The following STK32B variants were observed in gnomAD, a reference collection of about 807,000 sequenced individuals.
STK32B encodes the protein serine/threonine-protein kinase 32B.
Under a neutral mutation model 52.6 loss-of-function variants are expected in STK32B, and 43 were observed. The observed-to-expected ratio is 0.82, with a 90% CI of 0.64 to 1.05. STK32B has a LOEUF of 1.05. STK32B is among the 50% of genes least tolerant of loss of function. STK32B has a pLI of 0.00. For synonymous variants in STK32B, 238 were observed against 204.3 expected (o/e 1.17, Z -1.41); for missense variants, 621 against 534.6 (o/e 1.16, Z -1.59).
chr4:5,057,166 T>C (rs1189672303), intron 1 of STK32B, among the ~76,000 whole-genome samples: 2 of 152,234 alleles, frequency 1.3e-5, no homozygotes, highest in Non-Finnish European at 2.9e-5. Context: ...GCCAATTTCT[T>C]GCATTCCTTT....
At chr4:5,179,254 C>T (rs1041612142) in intron 3 of STK32B, among the ~76,000 whole-genome samples, 1 of 152,174 alleles carries the variant, frequency 6.6e-6, no homozygotes, top group Non-Finnish European at 1.5e-5. Context: ...CTCACTATCA[C>T]GAGAACAGCA....
intron 3 of STK32B, among the ~76,000 whole-genome samples, chr4:5,299,382 G>A (rs1729410764): frequency 6.6e-6 from 1 of 151,992 alleles, no homozygotes; most frequent in South Asian, 2.1e-4. Flanking sequence ...TGCTGCAGTA[G>A]TGCCCTAGGA....
intron 3 of STK32B, among the ~76,000 whole-genome samples, chr4:5,208,174 A>AC (rs1469282742): frequency 6.6e-6 from 1 of 152,116 alleles, no homozygotes; most frequent in Non-Finnish European, 1.5e-5. Context: ...TTGAGCCCTG[A>AC]CCATGTGAGG....
Position 5,460,129 on chromosome 4 carries a change from C to T in STK32B, c.810C>T (p.Arg270=), listed in dbSNP as rs745429127. The T allele has an allele frequency of 7.4e-6, 12 of 1,614,222 alleles. No individual in the cohort carries two copies. The highest frequency in any genetic ancestry group is 1.7e-5 in the Admixed American group (1 of 60,036). ...RKLLTKDPES[R]VSSLHDIQSV... is the part of the protein sequence containing the mutation. ...TCCTGACCAAGGATCCTGAGAGCCGCGTGTCCAGCCTTCATGACATACAGA... is the reference window on the plus strand; with the variant it reads ...TCCTGACCAAGGATCCTGAGAGCCGTGTGTCCAGCCTTCATGACATACAGA... The change falls in exon 9 of 12, where the codon CGC becomes CGT. Residue 270 remains arginine, a synonymous_variant. Coordinates refer to ENST00000282908, the MANE Select transcript of STK32B (RefSeq NM_018401.3). This position sits in a 1 kb window ranked among gnomAD's most constrained non-coding sequence, Gnocchi z 4.8.
chr4:5,021,707 C>T, the STK32B span, among the ~76,000 whole-genome samples: 24 of 152,296 alleles, frequency 1.6e-4, no homozygotes, highest in Admixed American at 3.3e-4. Context: ...CCCGCAATAC[C>T]GTGTGTGGTT....
intron 3 of STK32B, among the ~76,000 whole-genome samples, chr4:5,175,202 C>CT (rs1330476782): frequency 2.0e-5 from 3 of 151,596 alleles, no homozygotes; most frequent in African/African-American, 7.3e-5. Context: ...AGCCATTCGT[C>CT]TAATTTTTTT....
At chr4:5,457,215 T>C (rs1291562534) in intron 8 of STK32B, among the ~76,000 whole-genome samples, 1 of 146,132 alleles carries the variant, frequency 6.8e-6, no homozygotes, top group Non-Finnish European at 1.5e-5. Context: ...TTTTTTTCTT[T>C]TTTTTTTTTT....
chr4:5,325,313 C>G (rs1731800550), intron 3 of STK32B, among the ~76,000 whole-genome samples: 1 of 141,482 alleles, frequency 7.1e-6, no homozygotes, highest in African/African-American at 3.0e-5. Flanking sequence ...AAAAATCTTG[C>G]TTTTCCTAAA....
chr4:5,189,554 C>G (rs1184500758), intron 3 of STK32B, among the ~76,000 whole-genome samples: 2 of 152,126 alleles, frequency 1.3e-5, no homozygotes, highest in Non-Finnish European at 2.9e-5. Flanking sequence ...ACCTGGTAGC[C>G]TACCGAAAGA....
At chr4:5,456,771 C>G (rs765842329) in intron 7 of STK32B, 36 bp from the exon 8 acceptor site, 9 of 1,516,518 alleles carry the variant, frequency 5.9e-6, no homozygotes, top group East Asian at 4.8e-5. Context: ...TCCAATGGCT[C>G]TCTCTCTGAT....
intron 6 of STK32B, among the ~76,000 whole-genome samples, chr4:5,444,135 G>C (rs878863762): frequency 5.3e-5 from 8 of 152,250 alleles, no homozygotes; most frequent in East Asian, 3.9e-4. Flanking sequence ...CCGCCCAGTT[G>C]GAGCTTCCGG....
At chr4:5,162,479 C>G (rs960210861) in intron 2 of STK32B, among the ~76,000 whole-genome samples, 5 of 152,222 alleles carry the variant, frequency 3.3e-5, no homozygotes, top group African/African-American at 1.2e-4. Flanking sequence ...ACCTTCTCCA[C>G]TGACTCAGGA....
At chr4:5,496,510 C>G (rs1720264893) in intron 11 of STK32B, among the ~76,000 whole-genome samples, 1 of 150,388 alleles carries the variant, frequency 6.6e-6, no homozygotes, top group Non-Finnish European at 1.5e-5. Flanking sequence ...AGGGAACTCC[C>G]TGACCCCTTG....
rs377616488 is a variant in STK32B at position 5,331,170 on chromosome 4, T to C, written c.261-50T>C. ...AAAATGGAGGCATTGGTCTTGAGGG[T>C]GCTGAAGGTGCCTCCACCCCTAATC... On this transcript the variant is annotated intron_variant, in intron 3 of 11. Transcript: ENST00000282908. The C allele has an allele frequency of 4.9e-5, 76 of 1,540,874 alleles. No individual in the cohort carries two copies. In the South Asian group the frequency reaches 5.6e-4, roughly 11 times the overall value.
At chr4:5,200,713 T>A (rs902625382) in intron 3 of STK32B, among the ~76,000 whole-genome samples, 3 of 152,192 alleles carry the variant, frequency 2.0e-5, no homozygotes, top group African/African-American at 4.8e-5. Flanking sequence ...GACCCAGATG[T>A]AGCTATAGAG....
chr4:5,178,565 G>A (rs1720105996), intron 3 of STK32B, among the ~76,000 whole-genome samples: 1 of 152,164 alleles, frequency 6.6e-6, no homozygotes, highest in Admixed American at 6.5e-5. Flanking sequence ...TTTCTTTTCT[G>A]TCACGTTTTC....
At chr4:5,241,301 T>C (rs1725003627) in intron 3 of STK32B, among the ~76,000 whole-genome samples, 1 of 152,212 alleles carries the variant, frequency 6.6e-6, no homozygotes, top group Non-Finnish European at 1.5e-5. Flanking sequence ...TATACCAGTA[T>C]AATAAAAAGA....
In STK32B at chr4:5,331,320, G is replaced by A. The variant is rs1468595978; in HGVS notation, c.361G>A (p.Gly121Arg). 1.2e-6 allele frequency: 2 copies of A among 1,613,838 alleles called. No homozygotes were observed. Among genetic ancestry groups the A allele is most frequent in the Non-Finnish European group, 1.7e-6 (2 of 1,179,916 alleles). Residue 121 changes from glycine (G) to arginine (R), a missense_variant, in exon 4 of 12, where the codon GGG becomes AGG. Gly to Arg is a moderately radical substitution (Grantham distance 125, BLOSUM62 -2). Coordinates refer to ENST00000282908, the MANE Select transcript of STK32B (RefSeq NM_018401.3). ...HLQQNVHFTE[G>R]TVKLYICELA... The stretch of plus-strand genomic sequence containing the variant: ...GCAGCAGAATGTGCATTTCACAGAG[G>A]GGACTGTGAAACTCTACATCTGTGA...
At chr4:5,316,597 C>T (rs866661372) in intron 3 of STK32B, among the ~76,000 whole-genome samples, 2 of 6,650 alleles carry the variant, frequency 3.0e-4, no homozygotes, top group Non-Finnish European at 4.2e-4. Context: ...ATATATATTA[C>T]ATATATAATA....
Sources: gnomAD v4.1 joint callset for allele counts (sites outside exome capture counted in the v4.1 genomes callset) on GRCh38, gnomAD v4.1.1 for gene constraint, Gnocchi (gnomAD v3.1) non-coding constraint, MANE v1.5 for transcripts, NCBI Gene and HGNC (gene_info 2026-07-23, HGNC 2026-07-21) for gene names.